EXTL3: variants seen among roughly 807,000 people sequenced by gnomAD.
EXTL3 encodes exostosin-like 3.
In EXTL3, 27 loss-of-function variants were observed where a neutral mutation model predicts 69.3. The observed-to-expected ratio is 0.39, with a 90% CI of 0.29 to 0.54. The LOEUF is 0.54. Ranked by LOEUF, EXTL3 falls within the 20% of genes least tolerant of loss-of-function variation. EXTL3 has a pLI of 0.69. For missense variants in EXTL3, 1,003 were observed against 1,231.8 expected, an observed-to-expected ratio of 0.81 and a Z score of 2.78; for synonymous variants, 511 against 499.4, an observed-to-expected ratio of 1.02 and a Z score of -0.31.
At chr8:28,748,895 G>T (rs1478832608) in intron 6 of EXTL3, among the ~76,000 whole-genome samples, 2 of 152,064 alleles carry the variant, frequency 1.3e-5, no homozygotes, top group African/African-American at 4.8e-5. Context: ...GATTTCTTGA[G>T]GCCAGGAGTT....
At chr8:28,749,627 A>T (rs753657082) in intron 6 of EXTL3, among the ~76,000 whole-genome samples, 1 of 61,414 alleles carries the variant, frequency 1.6e-5, no homozygotes, top group African/African-American at 1.0e-4. Flanking sequence ...TGAGGATTTC[A>T]TTCATTCATT....
intron 2 of EXTL3, among the ~76,000 whole-genome samples, chr8:28,614,626 A>G (rs1037347974): frequency 6.6e-6 from 1 of 152,220 alleles, no homozygotes; most frequent in South Asian, 2.1e-4. Context: ...GTGGAAGCTT[A>G]GGTTGCTGGT....
chr8:28,708,910 T>G (rs1800975781), intron 1 of EXTL3, among the ~76,000 whole-genome samples: 1 of 152,222 alleles, frequency 6.6e-6, no homozygotes, highest in South Asian at 2.1e-4. Flanking sequence ...AGGTAAATAC[T>G]TTGAATATAG....
Position 28,716,831 on chromosome 8 carries a change from A to T in EXTL3, c.772A>T (p.Lys258Ter). 1 of 1,614,150 alleles carries T rather than the reference A, an allele frequency of 6.2e-7. No homozygotes were observed. Among genetic ancestry groups the T allele is most frequent in the Non-Finnish European group, 8.5e-7 (1 of 1,180,016 alleles). The change falls in exon 3 of 7, where the codon AAG (lysine) becomes TAG (stop). Residue 258 changes from lysine (K) to a stop codon, truncating the protein, a stop_gained. Coordinates refer to ENST00000220562, the MANE Select transcript of EXTL3 (RefSeq NM_001440.4). LOFTEE classifies it high-confidence loss of function. This position sits in a 1 kb window ranked among gnomAD's most constrained non-coding sequence, Gnocchi z 7.1. ...GGTGCTGCGGCCTGCTGAGCTGGAG[A>T]AGCAGTTGTATTCCCTGCCACACTG... ...PVVLRPAELE[K>*]QLYSLPHWRT...
chr8:28,708,426 C>CTTTTTT lies in EXTL3; in HGVS notation c.-569-5016_-569-5011dup, dbSNP rs71549693. Among the ~76,000 whole-genome samples, 27 of 118,746 alleles carry CTTTTTT rather than the reference C, an allele frequency of 2.3e-4. 2 individuals carry two copies. In the East Asian group the frequency reaches 5.4e-3, roughly 24 times the overall value. 77.9% of individuals were successfully genotyped at this position (118,746 alleles called of 152,430 possible). A position where few individuals can be genotyped will look rare whatever the true frequency, so the allele number is the denominator to read the frequency against. ...TACAATTAGTTTCCCTGGGAAGTGCCTTTTTTTTTTTTTTTTTTTTAAACA... is the reference window on the plus strand; with the variant it reads ...TACAATTAGTTTCCCTGGGAAGTGCCTTTTTTTTTTTTTTTTTTTTTTTTTTAAACA... On this transcript the variant is annotated intron_variant, in intron 1 of 6. Transcript: ENST00000220562.
At chr8:28,626,460 AG>A (rs1223644918) in intron 1 of EXTL3, among the ~76,000 whole-genome samples, 1 of 152,148 alleles carries the variant, frequency 6.6e-6, no homozygotes, top group Non-Finnish European at 1.5e-5. Flanking sequence ...AGAAATGATG[AG>A]GGTGCAGCGT....
At chr8:28,608,842 G>A (rs562208454) in intron 2 of EXTL3, among the ~76,000 whole-genome samples, 1 of 152,048 alleles carries the variant, frequency 6.6e-6, no homozygotes, top group African/African-American at 2.4e-5. Context: ...CTGGGAGATA[G>A]AGCAAGACTG....
chr8:28,627,367 C>T (rs922014737), intron 1 of EXTL3, among the ~76,000 whole-genome samples: 3 of 151,654 alleles, frequency 2.0e-5, no homozygotes, highest in Non-Finnish European at 4.4e-5. Flanking sequence ...GTGCGTGCAT[C>T]TGTTGCCCAA....
chr8:28,691,695 C>T lies in EXTL3; in HGVS notation c.-52-21762C>T, dbSNP rs377633046. Among the ~76,000 whole-genome samples the T allele has an allele frequency of 3.1e-4, 47 of 151,082 alleles. 1 individual carries two copies. The highest frequency in any genetic ancestry group is 2.7e-3 in the East Asian group (14 of 5,120). On this transcript the variant is annotated intron_variant, in intron 1 of 6. Coordinates refer to the EXTL3 transcript ENST00000523149. ...GGTGGATCACCTGAGGTCGGGAGTT[C>T]GAGACCAGCCTGACCAACATGGAGA...
intron 3 of EXTL3, among the ~76,000 whole-genome samples, chr8:28,726,736 C>T (rs543458498): frequency 1.5e-4 from 23 of 152,028 alleles, no homozygotes; most frequent in South Asian, 8.3e-4. Context: ...ACATGTAGCC[C>T]GAGGCAAAAT....
intron 1 of EXTL3, among the ~76,000 whole-genome samples, chr8:28,663,513 G>A (rs372637751): frequency 7.8e-4 from 119 of 152,090 alleles, no homozygotes; most frequent in Middle Eastern, 3.4e-3. Flanking sequence ...GTACAGTGGC[G>A]TGATCTTGGC....
At chr8:28,672,402 A>G (rs1233731339) in intron 1 of EXTL3, among the ~76,000 whole-genome samples, 1 of 107,452 alleles carries the variant, frequency 9.3e-6, no homozygotes, top group Non-Finnish European at 1.7e-5. Flanking sequence ...TGGGCAACCG[A>G]GCGAGACTCC....
chr8:28,675,387 G>A (rs1197453772), intron 1 of EXTL3, among the ~76,000 whole-genome samples: 1 of 152,156 alleles, frequency 6.6e-6, no homozygotes, highest in African/African-American at 2.4e-5. Flanking sequence ...CATGTATCAT[G>A]ACCTCTGTGG....
chr8:28,673,401 C>T (rs145754073), intron 1 of EXTL3, among the ~76,000 whole-genome samples: 5 of 152,120 alleles, frequency 3.3e-5, no homozygotes, highest in Admixed American at 6.5e-5. Context: ...ATCATCTGAT[C>T]GATGGAGGGC....
chr8:28,638,608 A>C (rs547036683), intron 1 of EXTL3, among the ~76,000 whole-genome samples: 1 of 152,274 alleles, frequency 6.6e-6, no homozygotes, highest in South Asian at 2.1e-4. Flanking sequence ...TCAATTTCTT[A>C]AGCTGGAAGT....
At chr8:28,679,100 T>C (rs1374478189) in intron 1 of EXTL3, among the ~76,000 whole-genome samples, 2 of 152,208 alleles carry the variant, frequency 1.3e-5, no homozygotes, top group Non-Finnish European at 2.9e-5. Context: ...ATGCCAGCAC[T>C]GTTCTATGCT....
At chr8:28,690,908 A>AG (rs1800604542) in intron 1 of EXTL3, among the ~76,000 whole-genome samples, 1 of 152,092 alleles carries the variant, frequency 6.6e-6, no homozygotes, top group African/African-American at 2.4e-5. Flanking sequence ...TGTGAATACC[A>AG]GGGGGCAGGG....
chr8:28,741,079 C>A (rs535680483), intron 5 of EXTL3: 1 of 152,282 alleles, frequency 6.6e-6, no homozygotes, highest in Non-Finnish European at 1.5e-5. Flanking sequence ...GCCTCAGCCT[C>A]CCCAGTAGCT....
chr8:28,643,101 A>C (rs1806770189), intron 1 of EXTL3, among the ~76,000 whole-genome samples: 1 of 152,010 alleles, frequency 6.6e-6, no homozygotes, highest in Non-Finnish European at 1.5e-5. Flanking sequence ...AAAATTAGCC[A>C]GGTGTGGTGG....
Sources: gnomAD v4.1 joint callset for allele counts (sites outside exome capture counted in the v4.1 genomes callset) on GRCh38, gnomAD v4.1.1 for gene constraint, Gnocchi (gnomAD v3.1) non-coding constraint, MANE v1.5 for transcripts, NCBI Gene and HGNC (gene_info 2026-07-23, HGNC 2026-07-21) for gene names.